CSGALNACT2: variants seen among roughly 807,000 people sequenced by gnomAD.
The protein encoded by CSGALNACT2 is chondroitin sulfate N-acetylgalactosaminyltransferase 2.
Under a neutral mutation model 55.3 loss-of-function variants are expected in CSGALNACT2, and 35 were observed. That is an observed-to-expected ratio of 0.63 (90% CI 0.48 to 0.84). CSGALNACT2 has a LOEUF of 0.84. Ranked by LOEUF, CSGALNACT2 falls within the 40% of genes least tolerant of loss-of-function variation. The pLI, the probability that CSGALNACT2 is intolerant of heterozygous loss-of-function variation, is 0.00. For missense variants in CSGALNACT2, 544 were observed against 657.5 expected (o/e 0.83, Z 1.89); for synonymous variants, 196 against 224.9 (o/e 0.87, Z 1.15).
chr10:43,182,439 T>A (rs1395536438), intron 7 of CSGALNACT2, among the ~76,000 whole-genome samples: 2 of 152,210 alleles, frequency 1.3e-5, no homozygotes, highest in African/African-American at 2.4e-5. Context: ...CCTGTTTTCC[T>A]TCCAAATTCC....
Position 43,152,594 on chromosome 10 carries a change from A to G in CSGALNACT2, c.-253-2303A>G, listed in dbSNP as rs569900060. The stretch of plus-strand genomic sequence containing the variant: ...TAATTTCCATTCTATTTTATTGAAA[A>G]GTAAACCTTCAGTAGTGACCTATTG... On this transcript the variant is annotated intron_variant, in intron 1 of 7. Coordinates refer to ENST00000374466, the MANE Select transcript of CSGALNACT2 (RefSeq NM_018590.5). 3.9e-5 allele frequency among the ~76,000 whole-genome samples: 6 copies of G among 152,298 alleles called. No individual in the cohort carries two copies. In the South Asian group the frequency reaches 1.2e-3, roughly 32 times the overall value.
chr10:43,164,017 A>G lies in CSGALNACT2; in HGVS notation c.1132A>G (p.Asn378Asp), dbSNP rs766520180. 2 of 1,613,748 alleles carry G rather than the reference A, an allele frequency of 1.2e-6. No homozygotes were observed. Among genetic ancestry groups the G allele is most frequent in the Non-Finnish European group, 1.7e-6 (2 of 1,179,890 alleles). ...TATCTATTTCTCAGCCGAATTCCTT[A>G]ACAGCTGCCGGTTAAATGCTGAGCC... ...VDIYFSAEFL[N>D]SCRLNAEPGK... is the part of the protein sequence containing the mutation. Residue 378 changes from asparagine (N) to aspartate (D), a missense_variant, in exon 5 of 8, where the codon AAC becomes GAC. Asn to Asp is a conservative substitution (Grantham distance 23). This residue lies in a region of CSGALNACT2 where 170 missense variants were observed against 256.2 expected (regional missense o/e 0.66). Coordinates refer to ENST00000374466, the MANE Select transcript of CSGALNACT2 (RefSeq NM_018590.5).
intron 6 of CSGALNACT2, among the ~76,000 whole-genome samples, chr10:43,171,273 A>G (rs992162420): frequency 6.6e-6 from 1 of 152,192 alleles, no homozygotes; most frequent in Non-Finnish European, 1.5e-5. Context: ...AAAAGGTTGT[A>G]TATTAAAATT....
chr10:43,155,996 A>G (rs538591621), intron 2 of CSGALNACT2, among the ~76,000 whole-genome samples, 186 bp downstream of exon 2: 9 of 152,348 alleles, frequency 5.9e-5, no homozygotes, highest in African/African-American at 2.2e-4. Flanking sequence ...ACTTCATTGC[A>G]CCAAGAATTT....
At chr10:43,140,309 CAT>C (rs1170284427) in intron 1 of CSGALNACT2, among the ~76,000 whole-genome samples, 2 of 152,112 alleles carry the variant, frequency 1.3e-5, no homozygotes, top group Admixed American at 6.5e-5. Flanking sequence ...AACATGGAGT[CAT>C]TACCAACCAT....
intron 7 of CSGALNACT2, among the ~76,000 whole-genome samples, chr10:43,179,249 G>GTT (rs370486751): frequency 1.0e-4 from 13 of 129,374 alleles, no homozygotes; most frequent in East Asian, 2.3e-4. Context: ...TTGCTTGCCG[G>GTT]TTTTTTTTTT....
In CSGALNACT2 at chr10:43,154,931, C is replaced by G. The variant is rs189434377; in HGVS notation, c.-219C>G. The G allele has an allele frequency of 3.3e-5, 17 of 518,178 alleles. No homozygotes were observed. The Admixed American group carries it at 6.1e-4, about 18-fold the overall frequency. 32.1% of individuals were successfully genotyped at this position (518,178 alleles called of 1,614,324 possible). A position where few individuals can be genotyped will look rare whatever the true frequency, so the allele number is the denominator to read the frequency against. ...TACCAATATAATGGATTTTATATAT[C>G]AGATTGCTTTATTCTGGATATCATG... On this transcript the variant is annotated 5_prime_UTR_variant, in exon 2 of 8. The change creates a new upstream start codon in the 5' untranslated region. Coordinates refer to ENST00000374466, the MANE Select transcript of CSGALNACT2 (RefSeq NM_018590.5).
At position 43,175,897 on chromosome 10, in the gene CSGALNACT2, A is replaced by G. The variant is rs182228813; in HGVS notation, c.1255-54A>G. The G allele has an allele frequency of 1.1e-4, 160 of 1,470,586 alleles. No homozygotes were observed. In the East Asian group the frequency reaches 3.1e-3, roughly 29 times the overall value. 91.1% of individuals were successfully genotyped at this position (1,470,586 alleles called of 1,614,324 possible). ...ATAATTTGTTTCATCGTTGATTAAA[A>G]CTTCTGCTTCTTATGGAATTAAATT... is the stretch of plus-strand genomic sequence containing the variant. On this transcript the variant is annotated intron_variant, in intron 6 of 7. Transcript: ENST00000374466.
In CSGALNACT2 at chr10:43,171,456, G is replaced by T. The variant is rs1363642669; in HGVS notation, c.1254+4358G>T. On this transcript the variant is annotated intron_variant, in intron 6 of 7. Transcript: ENST00000374466. ...GAAACTCCACCTTCCCGTTTCAAGC[G>T]ATTCTCCTGCCTCAGCCTCCCAAGT... Among the ~76,000 whole-genome samples the T allele has an allele frequency of 6.6e-5, 10 of 151,628 alleles. No individual in the cohort carries two copies. In the East Asian group the frequency reaches 1.7e-3, roughly 26 times the overall value.
chr10:43,159,151 T>A (rs1367065969), intron 3 of CSGALNACT2, among the ~76,000 whole-genome samples: 1 of 152,172 alleles, frequency 6.6e-6, no homozygotes, highest in African/African-American at 2.4e-5. Flanking sequence ...GTGACACCTA[T>A]TAGAAACTAA....
chr10:43,143,537 GGAA>G (rs1838679192), intron 1 of CSGALNACT2, among the ~76,000 whole-genome samples: 1 of 143,224 alleles, frequency 7.0e-6, no homozygotes, highest in Non-Finnish European at 1.5e-5. Flanking sequence ...GTGTGTGTGT[GGAA>G]TCATAATAAA....
intron 6 of CSGALNACT2, among the ~76,000 whole-genome samples, chr10:43,172,099 C>CCCT (rs1246023792): frequency 6.6e-6 from 1 of 152,190 alleles, no homozygotes; most frequent in Admixed American, 6.5e-5. Context: ...ACAGATTCAT[C>CCCT]CCTCTGATCC....
At chr10:43,170,803 T>A (rs1456140122) in intron 6 of CSGALNACT2, among the ~76,000 whole-genome samples, 1 of 152,140 alleles carries the variant, frequency 6.6e-6, no homozygotes, top group Non-Finnish European at 1.5e-5. Flanking sequence ...TGACATGACA[T>A]AATGAGAAGG....
rs1052736833 is a variant in CSGALNACT2, at chr10:43,154,884, C to G, written c.-253-13C>G. 2.4e-6 allele frequency: 1 copy of G among 418,542 alleles called. No homozygotes were observed. The highest frequency in any genetic ancestry group is 4.3e-6 in the Non-Finnish European group (1 of 235,162). The allele number at this position is 418,542 out of a possible 1,614,324, so 25.9% of individuals were successfully genotyped here. A position where few individuals can be genotyped will look rare whatever the true frequency, so the allele number is the denominator to read the frequency against. ...GAACAAAATTCTGATTGATTCTGAT[C>G]TGTGTCTTTCAGAAAAATCACTACC... is the stretch of plus-strand genomic sequence containing the variant. On this transcript the variant is annotated splice_polypyrimidine_tract_variant and intron_variant, in intron 1 of 7. Transcript: ENST00000374466.
At chr10:43,173,789 T>C (rs552383725) in intron 6 of CSGALNACT2, among the ~76,000 whole-genome samples, 100 of 152,168 alleles carry the variant, frequency 6.6e-4, no homozygotes, top group African/African-American at 2.2e-3. Context: ...GGTCAAGAGT[T>C]CGATACCAGC....
At chr10:43,168,754 A>C (rs1344004182) in intron 6 of CSGALNACT2, among the ~76,000 whole-genome samples, 1 of 152,124 alleles carries the variant, frequency 6.6e-6, no homozygotes, top group Non-Finnish European at 1.5e-5. Context: ...ATAAATACAA[A>C]TAGGTTCAAA....
At chr10:43,178,358 C>T (rs1301122620) in intron 7 of CSGALNACT2, among the ~76,000 whole-genome samples, 9 of 152,196 alleles carry the variant, frequency 5.9e-5, no homozygotes, top group Non-Finnish European at 1.0e-4. Flanking sequence ...CACGGTGGCT[C>T]ACGCCTGTAA....
chr10:43,149,989 C>T (rs1217731034), intron 1 of CSGALNACT2, among the ~76,000 whole-genome samples: 2 of 152,096 alleles, frequency 1.3e-5, no homozygotes, highest in African/African-American at 2.4e-5. Flanking sequence ...ATCCCTTGAA[C>T]GTGGGAGGCG....
intron 7 of CSGALNACT2, among the ~76,000 whole-genome samples, chr10:43,178,491 G>C (rs1839526313): frequency 6.6e-6 from 1 of 151,872 alleles, no homozygotes; most frequent in Non-Finnish European, 1.5e-5. Flanking sequence ...CGTGGTGGCA[G>C]GCGCCTGTAG....
Sources: allele counts gnomAD v4.1 joint callset (sites outside exome capture counted in the v4.1 genomes callset), GRCh38; gene constraint gnomAD v4.1.1; regional missense constraint gnomAD v4.1.1; transcripts MANE v1.5; gene names NCBI Gene and HGNC (gene_info 2026-07-23, HGNC 2026-07-21).